The following SGCZ variants were observed in gnomAD, a reference collection of about 807,000 sequenced individuals.
The protein encoded by SGCZ is sarcoglycan zeta, also known as zeta-sarcoglycan.
In SGCZ, 40 loss-of-function variants were observed where a neutral mutation model predicts 41.3. The ratio of observed to expected loss-of-function variants is 0.97; its 90% CI spans 0.75 to 1.26. The LOEUF (loss-of-function observed/expected upper bound fraction) is 1.26, where lower values mean the gene tolerates loss of function less well. SGCZ is among the 50% of genes most tolerant of loss of function. The pLI is 0.00. For missense variants in SGCZ, 552 were observed against 369.8 expected (o/e 1.49, Z -4.04); for synonymous variants, 206 against 137.5 (o/e 1.50, Z -3.49).
At chr8:14,980,312 G>A (rs79926238) in intron 1 of SGCZ, among the ~76,000 whole-genome samples, 169 of 152,314 alleles carry the variant, frequency 1.1e-3, no homozygotes, top group African/African-American at 3.9e-3. Flanking sequence ...TAACAAGTAA[G>A]AAGGAATCTA....
At chr8:14,661,031 T>G (rs12216821) in intron 1 of SGCZ, among the ~76,000 whole-genome samples, 51,959 of 151,890 alleles carry the variant, frequency 0.34, 11,405 homozygotes, top group African/African-American at 0.63. Flanking sequence ...ATTTAGAGGG[T>G]TCTTCCCAGA....
At chr8:14,430,902 C>T (rs551267917) in intron 2 of SGCZ, among the ~76,000 whole-genome samples, 2 of 152,036 alleles carry the variant, frequency 1.3e-5, no homozygotes, top group African/African-American at 4.8e-5. Context: ...ACACCAACAG[C>T]GACCAAGCTG....
intron 1 of SGCZ, among the ~76,000 whole-genome samples, chr8:15,085,016 C>T (rs1460753843): frequency 1.3e-5 from 2 of 152,214 alleles, no homozygotes; most frequent in South Asian, 2.1e-4. Context: ...TGCCAAGTGA[C>T]CATGTAATTT....
chr8:14,596,729 T>G, intron 1 of SGCZ, among the ~76,000 whole-genome samples: 1 of 151,992 alleles, frequency 6.6e-6, no homozygotes, highest in East Asian at 1.9e-4. Context: ...ATGTGGGGCT[T>G]AAAACCTAGA....
At chr8:15,106,663 T>G (rs1243793860) in intron 1 of SGCZ, among the ~76,000 whole-genome samples, 2 of 152,072 alleles carry the variant, frequency 1.3e-5, no homozygotes, top group Non-Finnish European at 2.9e-5. Flanking sequence ...GGACTTTACA[T>G]GTTTAGTGGA....
intron 2 of SGCZ, among the ~76,000 whole-genome samples, chr8:14,407,525 G>A (rs988146198): frequency 6.6e-6 from 1 of 151,896 alleles, no homozygotes; most frequent in Non-Finnish European, 1.5e-5. Context: ...TGTTTTAATT[G>A]TAAAAAAATT....
chr8:14,788,515 G>T (rs1207401299), intron 1 of SGCZ, among the ~76,000 whole-genome samples: 1 of 152,188 alleles, frequency 6.6e-6, no homozygotes, highest in Non-Finnish European at 1.5e-5. Context: ...TCTGGGGACA[G>T]TAGCTTAACT....
intron 5 of SGCZ, among the ~76,000 whole-genome samples, chr8:14,116,494 G>C (rs1444701113): frequency 1.3e-5 from 2 of 151,974 alleles, no homozygotes; most frequent in Non-Finnish European, 2.9e-5. Context: ...CTAATAACCA[G>C]GTTTTACAAA....
At chr8:14,864,718 T>C (rs568067093) in intron 1 of SGCZ, among the ~76,000 whole-genome samples, 1 of 152,256 alleles carries the variant, frequency 6.6e-6, no homozygotes, top group Admixed American at 6.5e-5. Context: ...TAAAAGACCA[T>C]TCTATTTTTA....
chr8:14,598,336 T>G (rs1017346892), intron 1 of SGCZ, among the ~76,000 whole-genome samples: 1 of 152,162 alleles, frequency 6.6e-6, no homozygotes, highest in Admixed American at 6.5e-5. Flanking sequence ...ATACATTCTT[T>G]ATATATTGTT....
intron 4 of SGCZ, among the ~76,000 whole-genome samples, chr8:14,197,201 TAATTCTACTAAA>T (rs1224504016): frequency 6.6e-6 from 1 of 152,160 alleles, no homozygotes; most frequent in East Asian, 1.9e-4. Context: ...GCATAATAAC[TAATTCTACTAAA>T]TATTTAAGCA....
At chr8:15,237,550 A>C (rs2117223787) in intron 1 of SGCZ, 35 bp downstream of exon 1, 2 of 1,581,106 alleles carry the variant, frequency 1.3e-6, no homozygotes, top group South Asian at 2.3e-5. Flanking sequence ...GAGCGCCGAG[A>C]AGCGGCCGCG....
chr8:14,896,050 T>C (rs1268379335), intron 1 of SGCZ, among the ~76,000 whole-genome samples: 1 of 152,222 alleles, frequency 6.6e-6, no homozygotes, highest in Non-Finnish European at 1.5e-5. Context: ...CAGCCCATGC[T>C]TGCTAACAAT....
intron 2 of SGCZ, among the ~76,000 whole-genome samples, chr8:14,349,366 T>G (rs967284184): frequency 4.6e-5 from 7 of 152,118 alleles, no homozygotes; most frequent in Non-Finnish European, 8.8e-5. Context: ...AAAAATGTTG[T>G]GCTCCCCTTT....
intron 2 of SGCZ, among the ~76,000 whole-genome samples, chr8:14,396,292 T>G (rs768447553): frequency 6.3e-4 from 96 of 152,176 alleles, no homozygotes; most frequent in Non-Finnish European, 1.2e-3. Flanking sequence ...AGCCAAAAAA[T>G]TGTATATTCT....
chr8:14,882,707 G>A (rs1804636131), intron 1 of SGCZ, among the ~76,000 whole-genome samples: 2 of 151,986 alleles, frequency 1.3e-5, no homozygotes, highest in South Asian at 2.1e-4. Flanking sequence ...GCTGCTAATA[G>A]CAACACAACT....
intron 2 of SGCZ, among the ~76,000 whole-genome samples, chr8:14,551,568 TAATA>T (rs1563404810): frequency 7.2e-4 from 14 of 19,326 alleles, no homozygotes; most frequent in South Asian, 2.6e-3. Context: ...ATTATATATA[TAATA>T]TATATATAAT....
intron 5 of SGCZ, among the ~76,000 whole-genome samples, chr8:14,120,053 G>C (rs1360891778): frequency 1.3e-5 from 2 of 151,938 alleles, no homozygotes; most frequent in African/African-American, 4.8e-5. Context: ...GCCAGGTTTG[G>C]TATCAGAATT....
In SGCZ at chr8:14,835,247, G is replaced by T. The variant is rs1802657917; in HGVS notation, c.40-280321C>A. ...CATCTAGACAAAGCCTTAGGCACCT[G>T]AAATATTTTCATCTGTCATTTGCGA... On this transcript the variant is annotated intron_variant, in intron 1 of 7. Transcript: ENST00000382080. Among the ~76,000 whole-genome samples, 2 of 152,120 alleles carry T rather than the reference G, an allele frequency of 1.3e-5. 1 individual carries two copies.
Sources: allele counts gnomAD v4.1 joint callset (sites outside exome capture counted in the v4.1 genomes callset), GRCh38; gene constraint gnomAD v4.1.1; transcripts MANE v1.5; gene names NCBI Gene and HGNC (gene_info 2026-07-23, HGNC 2026-07-21).